The following DNM3 variants were observed in gnomAD, a reference collection of about 807,000 sequenced individuals.
The protein encoded by DNM3 is dynamin-3.
In DNM3, 47 loss-of-function variants were observed where a neutral mutation model predicts 101.6. That is an observed-to-expected ratio of 0.46 (90% CI 0.37 to 0.59). DNM3 has a LOEUF of 0.59. Ranked by LOEUF, DNM3 falls within the 20% of genes least tolerant of loss-of-function variation. The pLI, the probability that DNM3 is intolerant of heterozygous loss-of-function variation, is 0.00. For synonymous variants in DNM3, 385 were observed against 387.9 expected (o/e 0.99, Z 0.09); for missense variants, 849 against 1,085.7 (o/e 0.78, Z 3.06).
At chr1:172,193,191 G>A (rs1168217087) in intron 14 of DNM3, among the ~76,000 whole-genome samples, 2 of 152,002 alleles carry the variant, frequency 1.3e-5, no homozygotes, top group African/African-American at 2.4e-5. Context: ...AGAACTGTCT[G>A]TTCATGTCCT....
chr1:172,300,435 T>G (rs1421086848), intron 15 of DNM3, among the ~76,000 whole-genome samples: 1 of 152,332 alleles, frequency 6.6e-6, no homozygotes, highest in Admixed American at 6.5e-5. Flanking sequence ...TGTAATTGCT[T>G]TTGAGTATTT....
At position 172,409,132 on chromosome 1, in the gene DNM3, T is replaced by C. The variant is rs1179112590; in HGVS notation, c.*1291T>C. On this transcript the variant is annotated 3_prime_UTR_variant, in exon 21 of 21. Coordinates refer to ENST00000627582, the MANE Select transcript of DNM3 (RefSeq NM_015569.5). ...TTTTGGACTACCAAGGACCAGATGA[T>C]TCACATGTAGGAAACAGCCAGAAGC... is the stretch of plus-strand genomic sequence containing the variant. The C allele has an allele frequency of 8.1e-6, 8 of 985,252 alleles. No homozygotes were observed. The highest frequency in any genetic ancestry group is 9.6e-6 in the Non-Finnish European group (8 of 829,900). 61.0% of individuals were successfully genotyped at this position (985,252 alleles called of 1,614,324 possible). A position where few individuals can be genotyped will look rare whatever the true frequency, so the allele number is the denominator to read the frequency against.
chr1:172,226,045 T>C (rs1323473353), intron 14 of DNM3, among the ~76,000 whole-genome samples: 2 of 152,150 alleles, frequency 1.3e-5, no homozygotes, highest in Non-Finnish European at 2.9e-5. Context: ...TCCTATAAGT[T>C]TAGTTTCTAG....
At chr1:171,884,592 G>T (rs1480084956) in intron 1 of DNM3, among the ~76,000 whole-genome samples, 1 of 152,182 alleles carries the variant, frequency 6.6e-6, no homozygotes, top group Non-Finnish European at 1.5e-5. Flanking sequence ...GAATCAGCAG[G>T]TTGGTCTGGG....
In DNM3 at chr1:172,160,062, T is replaced by TAA. The variant is rs61338593; in HGVS notation, c.1659+28788_1659+28789dup. On this transcript the variant is annotated intron_variant, in intron 14 of 20. Transcript: ENST00000627582. ...TACAGTAAAAATACAGCATAAAAGA[T>TAA]AAAAAAAAAAAAAAAGGTACACCTG... Among the ~76,000 whole-genome samples the TAA allele has an allele frequency of 9.0e-5, 10 of 110,564 alleles. No individual in the cohort carries two copies. The East Asian group carries it at 1.8e-3, about 20-fold the overall frequency. The allele number at this position is 110,564 out of a possible 152,430, so 72.5% of individuals were successfully genotyped here.
intron 15 of DNM3, among the ~76,000 whole-genome samples, chr1:172,268,855 A>G (rs1469214208): frequency 6.6e-6 from 1 of 152,156 alleles, no homozygotes; most frequent in Non-Finnish European, 1.5e-5. Flanking sequence ...TGAGGGAGAA[A>G]AATAGCAAGT....
intron 1 of DNM3, among the ~76,000 whole-genome samples, chr1:171,866,380 A>C (rs1204924387): frequency 6.6e-6 from 1 of 151,430 alleles, no homozygotes; most frequent in Non-Finnish European, 1.5e-5. Context: ...ATTCTCTGAA[A>C]CCGTCCTTGT....
intron 15 of DNM3, among the ~76,000 whole-genome samples, chr1:172,261,923 G>A (rs745828682): frequency 7.2e-5 from 11 of 152,206 alleles, no homozygotes; most frequent in South Asian, 2.1e-4. Flanking sequence ...TGGAAGGTGT[G>A]TATAAGTGAT....
At chr1:172,006,408 A>C (rs2046693546) in intron 4 of DNM3, among the ~76,000 whole-genome samples, 1 of 151,892 alleles carries the variant, frequency 6.6e-6, no homozygotes, top group South Asian at 2.1e-4. Flanking sequence ...TCTTGTAAAA[A>C]CTTGGGGTGA....
At chr1:172,256,383 T>G (rs999455737) in intron 15 of DNM3, among the ~76,000 whole-genome samples, 5 of 152,092 alleles carry the variant, frequency 3.3e-5, no homozygotes, top group Admixed American at 6.6e-5. Flanking sequence ...ATATATTTAA[T>G]GATTTCAGAT....
chr1:172,185,902 C>T (rs1411744848), intron 14 of DNM3, among the ~76,000 whole-genome samples: 2 of 152,016 alleles, frequency 1.3e-5, no homozygotes, highest in East Asian at 3.9e-4. Context: ...GAATTTGGCC[C>T]ATCCTCAAAT....
At chr1:172,370,496 T>A (rs965238342) in intron 17 of DNM3, among the ~76,000 whole-genome samples, 1 of 152,022 alleles carries the variant, frequency 6.6e-6, no homozygotes, top group Admixed American at 6.6e-5. Context: ...TTACTATCTT[T>A]ATGATCTCAG....
At chr1:172,216,425 C>T (rs980616267) in intron 14 of DNM3, among the ~76,000 whole-genome samples, 1 of 151,958 alleles carries the variant, frequency 6.6e-6, no homozygotes, top group African/African-American at 2.4e-5. Flanking sequence ...ATTTTCCCTC[C>T]CCATTTAAAA....
At chr1:171,915,216 A>G (rs2039619602) in intron 1 of DNM3, among the ~76,000 whole-genome samples, 1 of 152,218 alleles carries the variant, frequency 6.6e-6, no homozygotes, top group African/African-American at 2.4e-5. Flanking sequence ...ATGTTCAGAA[A>G]TAAAATATTT....
intron 4 of DNM3, among the ~76,000 whole-genome samples, chr1:172,023,584 TA>T (rs1288188197): frequency 6.6e-6 from 1 of 152,150 alleles, no homozygotes; most frequent in African/African-American, 2.4e-5. Flanking sequence ...AACTTTTTAG[TA>T]TCTTTTATCA....
chr1:172,260,444 G>T (rs983335429), intron 15 of DNM3, among the ~76,000 whole-genome samples: 1 of 151,412 alleles, frequency 6.6e-6, no homozygotes, highest in African/African-American at 2.4e-5. Context: ...GTTGTTTCTT[G>T]GGACACCAAA....
chr1:171,969,366 A>G (rs1366131627), intron 2 of DNM3, among the ~76,000 whole-genome samples: 3 of 152,210 alleles, frequency 2.0e-5, no homozygotes, highest in Non-Finnish European at 2.9e-5. Context: ...ACAAAGAACA[A>G]TGATAAATCA....
intron 17 of DNM3, among the ~76,000 whole-genome samples, chr1:172,350,620 A>C (rs2067161549): frequency 6.6e-6 from 1 of 152,186 alleles, no homozygotes; most frequent in African/African-American, 2.4e-5. Context: ...AGAATATCAG[A>C]GCCTGGGGTA....
At chr1:172,267,275 A>T (rs1233417828) in intron 15 of DNM3, among the ~76,000 whole-genome samples, 2 of 152,242 alleles carry the variant, frequency 1.3e-5, no homozygotes, top group Non-Finnish European at 2.9e-5. Context: ...GCATGAGGGA[A>T]TGAATGCATG....
Sources: allele counts gnomAD v4.1 joint callset (sites outside exome capture counted in the v4.1 genomes callset), GRCh38; gene constraint gnomAD v4.1.1; transcripts MANE v1.5; gene names NCBI Gene and HGNC (gene_info 2026-07-23, HGNC 2026-07-21).